TRPC3: variants seen among roughly 807,000 people sequenced by gnomAD.
The protein encoded by TRPC3 is short transient receptor potential channel 3.
Under a neutral mutation model 90.9 loss-of-function variants are expected in TRPC3, and 54 were observed. The observed-to-expected ratio is 0.59, with a 90% CI of 0.48 to 0.75. The LOEUF is 0.75. Among genes scored for constraint, TRPC3 ranks in the 30% least tolerant of loss-of-function variants. The pLI is 0.00. For synonymous variants in TRPC3, 424 were observed against 450.9 expected (o/e 0.94, Z 0.75); for missense variants, 918 against 1,194.5 (o/e 0.77, Z 3.41).
chr4:121,910,525 G>A, intron 5 of TRPC3, 138 bp from the exon 6 acceptor site: 2 of 682,554 alleles, frequency 2.9e-6, no homozygotes, highest in Non-Finnish European at 2.5e-6. Flanking sequence ...TTGACTGACT[G>A]ACTGTATGGT....
At chr4:121,894,564 T>TG (rs1728447477) in intron 10 of TRPC3, among the ~76,000 whole-genome samples, 3 of 134,734 alleles carry the variant, frequency 2.2e-5, no homozygotes, top group South Asian at 2.6e-4. Context: ...TGTTTTTTTT[T>TG]TTTTTTTTTT....
intron 10 of TRPC3, among the ~76,000 whole-genome samples, chr4:121,891,602 A>T (rs1330013342): frequency 6.6e-6 from 1 of 152,214 alleles, no homozygotes; most frequent in African/African-American, 2.4e-5. Flanking sequence ...CTGCCTAAAA[A>T]CAGGACATAC....
chr4:121,908,569 C>G (rs1302434002), intron 6 of TRPC3, among the ~76,000 whole-genome samples: 2 of 152,068 alleles, frequency 1.3e-5, no homozygotes, highest in Admixed American at 1.3e-4. Flanking sequence ...AAAATCATGT[C>G]CTTTGCAGCA....
At chr4:121,885,733 C>T (rs374405177) in intron 10 of TRPC3, among the ~76,000 whole-genome samples, 1 of 152,160 alleles carries the variant, frequency 6.6e-6, no homozygotes, top group Non-Finnish European at 1.5e-5. Flanking sequence ...AAATTTCCAA[C>T]TGATTCTTTA....
At chr4:121,944,741 T>C (rs1177429436) in intron 1 of TRPC3, among the ~76,000 whole-genome samples, 1 of 152,224 alleles carries the variant, frequency 6.6e-6, no homozygotes, top group African/African-American at 2.4e-5. Context: ...ACCAACTTTC[T>C]CAAGTTGATT....
At chr4:121,925,553 A>G (rs1220613452) in intron 2 of TRPC3, among the ~76,000 whole-genome samples, 1 of 152,210 alleles carries the variant, frequency 6.6e-6, no homozygotes, top group Non-Finnish European at 1.5e-5. Flanking sequence ...TAGAGATGGA[A>G]TGAGGAGATA....
chr4:121,912,836 G>A (rs753189565), intron 4 of TRPC3, among the ~76,000 whole-genome samples: 15 of 152,274 alleles, frequency 9.9e-5, no homozygotes, highest in South Asian at 2.1e-4. Context: ...ATGATATAAT[G>A]TCCTTAAAAG....
Position 121,910,880 on chromosome 4 carries a change from C to G in TRPC3, c.1559-493G>C, listed in dbSNP as rs374704247. ...TCATATCACACTCTTATCCTCTCTT[C>G]TCATTTCCATGTCATGCTAAAAAGT... On this transcript the variant is annotated intron_variant, in intron 5 of 11. Transcript: ENST00000379645. Among the ~76,000 whole-genome samples, 11 of 152,292 alleles carry G rather than the reference C, an allele frequency of 7.2e-5. No homozygotes were observed. The East Asian group carries it at 1.2e-3, about 16-fold the overall frequency.
At chr4:121,916,299 A>G (rs1729315245) in intron 3 of TRPC3, among the ~76,000 whole-genome samples, 1 of 152,126 alleles carries the variant, frequency 6.6e-6, no homozygotes, top group African/African-American at 2.4e-5. Context: ...AATTTCCCCC[A>G]AATCCCTGCC....
chr4:121,921,589 A>G (rs563933448), intron 3 of TRPC3, among the ~76,000 whole-genome samples: 1 of 150,866 alleles, frequency 6.6e-6, no homozygotes, highest in African/African-American at 2.4e-5. Context: ...TTACAATTAG[A>G]TAAGAATGGT....
At chr4:121,894,826 G>T (rs1180638668) in intron 10 of TRPC3, among the ~76,000 whole-genome samples, 1 of 151,866 alleles carries the variant, frequency 6.6e-6, no homozygotes, top group African/African-American at 2.4e-5. Context: ...GGCCTTCCAA[G>T]GCAGGTGTGA....
chr4:121,891,973 C>T (rs1403990587), intron 10 of TRPC3, among the ~76,000 whole-genome samples: 1 of 152,110 alleles, frequency 6.6e-6, no homozygotes, highest in Non-Finnish European at 1.5e-5. Context: ...TCCTGTTTAT[C>T]AGTCAGTTGT....
At chr4:121,897,251 A>G (rs1348548227) in intron 10 of TRPC3, among the ~76,000 whole-genome samples, 1 of 151,946 alleles carries the variant, frequency 6.6e-6, no homozygotes, top group African/African-American at 2.4e-5. Flanking sequence ...TATGAACAAG[A>G]CCTCAAAAGC....
chr4:121,895,849 C>T (rs954408394), intron 10 of TRPC3, among the ~76,000 whole-genome samples: 1 of 151,968 alleles, frequency 6.6e-6, no homozygotes, highest in African/African-American at 2.4e-5. Context: ...TTTATGAGAC[C>T]AGTATAACCC....
At chr4:121,899,483 C>T in intron 10 of TRPC3, 129 bp downstream of exon 10, 2 of 611,736 alleles carry the variant, frequency 3.3e-6, no homozygotes, top group Non-Finnish European at 5.3e-6. Flanking sequence ...TTTCTTTGTT[C>T]TGAACTATCC....
chr4:121,892,586 T>A (rs1036369039), intron 10 of TRPC3, among the ~76,000 whole-genome samples: 2 of 152,188 alleles, frequency 1.3e-5, no homozygotes, highest in Non-Finnish European at 2.9e-5. Flanking sequence ...AATTTCTATT[T>A]TCTTTTAGCC....
At chr4:121,928,184 T>C (rs1729782517) in intron 2 of TRPC3, among the ~76,000 whole-genome samples, 3 of 152,240 alleles carry the variant, frequency 2.0e-5, no homozygotes, top group Admixed American at 2.0e-4. Flanking sequence ...TTATAGTCTA[T>C]AAACTGTTTA....
Position 121,951,529 on chromosome 4 carries a change from G to C in TRPC3, c.152C>G (p.Ser51Trp). Residue 51 changes from serine (S) to tryptophan (W), a missense_variant, in exon 1 of 12, where the codon TCG becomes TGG. This residue lies in a region of TRPC3 where 609 missense variants were observed against 725.9 expected (regional missense o/e 0.84). Transcript: ENST00000379645. This position sits in a 1 kb window ranked among gnomAD's most constrained non-coding sequence, Gnocchi z 4.4. ...RGVNGGLEPR[S>W]APSQREPHGY... The stretch of plus-strand genomic sequence containing the variant: ...GTGCGGCTCCCGCTGCGAGGGCGCC[G>C]AGCGCGGCTCCAGCCCCCCGTTGAC... 1 of 1,397,854 alleles carries C rather than the reference G, an allele frequency of 7.2e-7. No homozygotes were observed. Among genetic ancestry groups the C allele is most frequent in the Non-Finnish European group, 9.3e-7 (1 of 1,075,086 alleles). The allele number at this position is 1,397,854 out of a possible 1,614,324, so 86.6% of individuals were successfully genotyped here.
chr4:121,936,564 A>G (rs1730136405), intron 1 of TRPC3, among the ~76,000 whole-genome samples: 1 of 152,216 alleles, frequency 6.6e-6, no homozygotes, highest in Admixed American at 6.5e-5. Context: ...TGTCCCCACA[A>G]AATTCATATG....
Sources: gnomAD v4.1 joint callset for allele counts (sites outside exome capture counted in the v4.1 genomes callset) on GRCh38, gnomAD v4.1.1 for gene constraint, gnomAD v4.1.1 regional missense constraint, Gnocchi (gnomAD v3.1) non-coding constraint, MANE v1.5 for transcripts, NCBI Gene and HGNC (gene_info 2026-07-23, HGNC 2026-07-21) for gene names.